The following TRUB1 variants were observed in gnomAD, a reference collection of about 807,000 sequenced individuals.
TRUB1 encodes the protein TruB pseudouridine synthase family member 1.
Under a neutral mutation model 33.9 loss-of-function variants are expected in TRUB1, and 23 were observed. That is an observed-to-expected ratio of 0.68 (90% CI 0.49 to 0.96). TRUB1 has a LOEUF of 0.96. TRUB1 is among the 40% of genes least tolerant of loss of function. The probability of loss-of-function intolerance (pLI) is 0.00; values close to 1 mark genes in which losing one functional copy is unlikely to be tolerated. For missense variants in TRUB1, 378 were observed against 422.2 expected, an observed-to-expected ratio of 0.90 and a Z score of 0.92; for synonymous variants, 163 against 165.4, an observed-to-expected ratio of 0.99 and a Z score of 0.11.
In TRUB1 at chr10:114,977,391, C is replaced by A. The variant is rs1025995549; in HGVS notation, c.*2012C>A. 1.3e-5 allele frequency: 2 copies of A among 151,482 alleles called. No homozygotes were observed. The highest frequency in any genetic ancestry group is 4.8e-5 in the African/African-American group (2 of 41,258). 9.4% of individuals were successfully genotyped at this position (151,482 alleles called of 1,614,324 possible). A position where few individuals can be genotyped will look rare whatever the true frequency, so the allele number is the denominator to read the frequency against. On this transcript the variant is annotated 3_prime_UTR_variant, in exon 8 of 8. Coordinates refer to ENST00000298746, the MANE Select transcript of TRUB1 (RefSeq NM_139169.5). ...TACTCTTAATTTATTTAGAGTATTT[C>A]TCTATTGCTGAATACTTAAGTAGTT...
At chr10:114,952,256 T>A (rs2084239079) in intron 3 of TRUB1, among the ~76,000 whole-genome samples, 1 of 148,474 alleles carries the variant, frequency 6.7e-6, no homozygotes, top group South Asian at 2.1e-4. Context: ...CTGGCCAACA[T>A]GGTGAAACCC....
chr10:114,947,093 AG>A (rs2084214626), intron 2 of TRUB1, among the ~76,000 whole-genome samples: 1 of 152,036 alleles, frequency 6.6e-6, no homozygotes. Context: ...GTGGAAGCAG[AG>A]GTTGGAGTAA....
At chr10:114,966,305 A>G (rs542973036) in intron 4 of TRUB1, among the ~76,000 whole-genome samples, 22 of 152,296 alleles carry the variant, frequency 1.4e-4, no homozygotes, top group African/African-American at 5.3e-4. Flanking sequence ...CCATATCTGC[A>G]TACTTTTATT....
intron 2 of TRUB1, 36 bp downstream of exon 2, chr10:114,942,779 C>T: frequency 7.8e-7 from 1 of 1,289,318 alleles, no homozygotes; most frequent in Non-Finnish European, 1.1e-6. Context: ...TGTCCACTGT[C>T]ACTTAATATC....
In TRUB1 at chr10:114,938,472, C is replaced by G; in HGVS notation, c.219C>G (p.Ala73=). The G allele has an allele frequency of 6.3e-7, 1 of 1,592,346 alleles. No individual in the cohort carries two copies. The highest frequency in any genetic ancestry group is 8.5e-7 in the Non-Finnish European group (1 of 1,170,972). Residue 73 remains alanine (A), a synonymous_variant, in exon 1 of 8, where the codon GCC becomes GCG. Transcript: ENST00000298746. The part of the protein sequence containing the change: ...TKLLSLSGVF[A]VHKPKGPTSA... ...TGCTGTCCTTGAGCGGCGTGTTCGC[C>G]GTGCACAAGCCCAAAGGGCCCACTT...
chr10:114,970,849 T>TGGGCA, intron 5 of TRUB1, among the ~76,000 whole-genome samples: 1 of 152,322 alleles, frequency 6.6e-6, no homozygotes, highest in Middle Eastern at 3.4e-3. Context: ...CTGGGACCAT[T>TGGGCA]CCTATTGGGC....
At position 114,970,437 on chromosome 10, in the gene TRUB1, C is replaced by T. The variant is rs750599308; in HGVS notation, c.593C>T (p.Pro198Leu). 1.2e-6 allele frequency: 2 copies of T among 1,605,416 alleles called. No individual in the cohort carries two copies. Among genetic ancestry groups the T allele is most frequent in the East Asian group, 2.2e-5 (1 of 44,756 alleles). ...KFTGNIMQVP[P>L]LYSALKKDGQ... ...ACTGGAAATATAATGCAAGTGCCCC[C>T]CCTGTAAGTTCAATTAGTAAATTTG... The change falls in exon 5 of 8, where the codon CCC (proline) becomes CTC (leucine). Residue 198 changes from proline to leucine, a missense_variant. Pro to Leu is a moderately conservative substitution (Grantham distance 98). Coordinates refer to ENST00000298746, the MANE Select transcript of TRUB1 (RefSeq NM_139169.5).
chr10:114,966,894 C>A (rs2084310970), intron 4 of TRUB1, among the ~76,000 whole-genome samples: 1 of 152,070 alleles, frequency 6.6e-6, no homozygotes, highest in African/African-American at 2.4e-5. Flanking sequence ...TTTTCCAGGT[C>A]TAGATTAGCT....
rs73372648 is a variant in TRUB1, at chr10:114,958,177, G to T, written c.442-1549G>T. ...AGCCAGTTGACCCTGAGCCTGTGCT[G>T]TTACCATTGTTGTACTTCTCTCATA... On this transcript the variant is annotated intron_variant, in intron 3 of 7. Transcript: ENST00000298746. Among the ~76,000 whole-genome samples the T allele has an allele frequency of 9.9e-3, 1,512 of 152,290 alleles. 30 individuals carry two copies. The highest frequency in any genetic ancestry group is 0.034 in the African/African-American group (1,414 of 41,566).
intron 5 of TRUB1, 97 bp from the exon 6 acceptor site, chr10:114,972,038 C>G: frequency 1.4e-6 from 2 of 1,401,144 alleles, no homozygotes; most frequent in South Asian, 2.6e-5. Flanking sequence ...TCCTTCCTTT[C>G]CATGCTAAAT....
At chr10:114,939,224 G>C (rs7908464) in intron 1 of TRUB1, among the ~76,000 whole-genome samples, 71,790 of 152,040 alleles carry the variant, frequency 0.47, 18,417 homozygotes, top group African/African-American at 0.65. Context: ...TGGGAAAATA[G>C]TAGAAAAGCC....
At chr10:114,951,994 T>C (rs771857456) in intron 3 of TRUB1, among the ~76,000 whole-genome samples, 18 of 152,252 alleles carry the variant, frequency 1.2e-4, no homozygotes, top group Non-Finnish European at 2.5e-4. Flanking sequence ...TTCCAGTTCA[T>C]TGCAGACTGA....
In TRUB1 at chr10:114,938,391, C is replaced by T; in HGVS notation, c.138C>T (p.Ala46=). 6.2e-7 allele frequency: 1 copy of T among 1,607,206 alleles called. No homozygotes were observed. The highest frequency in any genetic ancestry group is 8.5e-7 in the Non-Finnish European group (1 of 1,176,828). Residue 46 remains alanine (A), a synonymous_variant, in exon 1 of 8, where the codon GCC becomes GCT. Transcript: ENST00000298746. ...GGGCTGCAGCCGCGGTGGTTGCGGC[C>T]GCGGCCAGGACCGGATCCGAAGCCA... The part of the protein sequence containing the change: ...SARAAAAVVA[A]AARTGSEARV...
chr10:114,967,124 T>C (rs1379985673), intron 4 of TRUB1, among the ~76,000 whole-genome samples: 3 of 152,176 alleles, frequency 2.0e-5, no homozygotes, highest in Admixed American at 6.5e-5. Flanking sequence ...TTTCTTTGTC[T>C]GTGTATTTTC....
At chr10:114,938,613 G>T in intron 1 of TRUB1, 74 bp downstream of exon 1, 3 of 1,417,052 alleles carry the variant, frequency 2.1e-6, no homozygotes, top group Non-Finnish European at 2.8e-6. Flanking sequence ...TTTTTGCGAC[G>T]CTCGTGATTC....
chr10:114,941,337 C>CTT (rs34806644), intron 1 of TRUB1, among the ~76,000 whole-genome samples: 8 of 147,192 alleles, frequency 5.4e-5, no homozygotes, highest in African/African-American at 1.3e-4. Flanking sequence ...TTTGCATTAT[C>CTT]TTTTTTTTTT....
intron 4 of TRUB1, among the ~76,000 whole-genome samples, chr10:114,964,001 G>T (rs551391223): frequency 1.3e-5 from 2 of 152,004 alleles, no homozygotes; most frequent in South Asian, 2.1e-4. Flanking sequence ...GCGTGTGCAC[G>T]TGTGTGCCTG....
chr10:114,971,527 G>T (rs1435943569), intron 5 of TRUB1, among the ~76,000 whole-genome samples: 1 of 151,380 alleles, frequency 6.6e-6, no homozygotes, highest in East Asian at 1.9e-4. Flanking sequence ...AAAAATTTTA[G>T]CAAGATCTGC....
chr10:114,938,747 C>T (rs1314019917), intron 1 of TRUB1, among the ~76,000 whole-genome samples: 1 of 152,164 alleles, frequency 6.6e-6, no homozygotes, highest in Non-Finnish European at 1.5e-5. Flanking sequence ...AGTTGTAGTT[C>T]TCAACGGGAG....
Sources: allele counts gnomAD v4.1 joint callset (sites outside exome capture counted in the v4.1 genomes callset), GRCh38; gene constraint gnomAD v4.1.1; transcripts MANE v1.5; gene names NCBI Gene and HGNC (gene_info 2026-07-23, HGNC 2026-07-21).